Variants in MYBPHL observed in about 807,000 individuals in gnomAD.
MYBPHL encodes myosin binding protein H like, also known as myosin-binding protein H-like.
MYBPHL carries 32 observed loss-of-function variants against 39.5 expected under a neutral mutation model. That is an observed-to-expected ratio of 0.81 (90% CI 0.61 to 1.09). MYBPHL has a LOEUF of 1.09. Ranked by LOEUF, MYBPHL falls within the 50% of genes least tolerant of loss-of-function variation. The pLI is 0.00. For missense variants in MYBPHL, 456 were observed against 460.2 expected (o/e 0.99, Z 0.08); for synonymous variants, 196 against 183.7 (o/e 1.07, Z -0.54).
intron 5 of MYBPHL, 103 bp downstream of exon 5, chr1:109,296,680 C>A (rs891922432): frequency 1.1e-5 from 15 of 1,370,496 alleles, no homozygotes; most frequent in Non-Finnish European, 1.3e-5. Flanking sequence ...CTCAGGTGAT[C>A]CGCCTGCCTT....
chr1:109,298,115 C>A (rs762695893), intron 2 of MYBPHL, 54 bp downstream of exon 2: 1 of 1,478,588 alleles, frequency 6.8e-7, no homozygotes. Context: ...GTTTCCAAAT[C>A]CAAAACCTGC....
At chr1:109,300,959 C>A (rs1658254911) in intron 1 of MYBPHL, among the ~76,000 whole-genome samples, 1 of 152,186 alleles carries the variant, frequency 6.6e-6, no homozygotes, top group South Asian at 2.1e-4. Flanking sequence ...AGAGTATGGA[C>A]GTGAGGCTAA....
At chr1:109,295,007 A>AC in intron 7 of MYBPHL, 104 bp downstream of exon 7, 1 of 1,118,722 alleles carries the variant, frequency 8.9e-7, no homozygotes, top group South Asian at 1.6e-5. Flanking sequence ...CAGCGGAGGA[A>AC]CCCCTTCTCC....
At chr1:109,296,195 A>G in intron 6 of MYBPHL, 39 bp downstream of exon 6, 1 of 1,605,126 alleles carries the variant, frequency 6.2e-7, no homozygotes, top group Non-Finnish European at 8.5e-7. Context: ...CAGGAACAAG[A>G]AGCAGCTCAG....
rs566448972 is a variant in MYBPHL at position 109,305,721 on chromosome 1, G to A, written c.145+1126C>T. Among the ~76,000 whole-genome samples, 21 of 152,306 alleles carry A rather than the reference G, an allele frequency of 1.4e-4. No individual in the cohort carries two copies. In the South Asian group the frequency reaches 2.5e-3, roughly 18 times the overall value. ...ACGGGACAAACTTGGCCAGCTCTCT[G>A]CCCTTGACATTCAAATAGTTTCTGG... On this transcript the variant is annotated intron_variant, in intron 1 of 8. Coordinates refer to ENST00000357155, the MANE Select transcript of MYBPHL (RefSeq NM_001010985.3).
rs1475504339 is a variant in MYBPHL, at chr1:109,297,056, T to A, written c.564A>T (p.Lys188Asn). 3 of 1,614,042 alleles carry A rather than the reference T, an allele frequency of 1.9e-6. No homozygotes were observed. In the East Asian group the frequency reaches 6.7e-5, roughly 36 times the overall value. ...CCTTCCCAGCTGGCCTCACCCCGGA[T>A]TTTGTGTCAGCCTTCTGCACCGTGT... ...LGYTVQKADT[K>N]SGLWFTVLEH... The change falls in exon 4 of 9, where the codon AAA (lysine) becomes AAT (asparagine). Residue 188 changes from lysine (K) to asparagine (N), a missense_variant. Lys to Asn is a moderately conservative substitution (Grantham distance 94). Coordinates refer to ENST00000357155, the MANE Select transcript of MYBPHL (RefSeq NM_001010985.3).
At position 109,296,268 on chromosome 1, in the gene MYBPHL, G is replaced by A. The variant is rs923047686; in HGVS notation, c.833C>T (p.Thr278Ile). Residue 278 changes from threonine (T) to isoleucine (I), a missense_variant, in exon 6 of 9, where the codon ACC becomes ATC. Transcript: ENST00000357155. ...ADCTTVTGYNTQLFCCVRASP... is the reference protein window; with the variant it reads ...ADCTTVTGYNIQLFCCVRASP... ...GGCGCGGACACAGCAGAAGAGCTGG[G>A]TATTATAGCCGGTGACTGTAGTGCA... 1 of 1,614,026 alleles carries A rather than the reference G, an allele frequency of 6.2e-7. No homozygotes were observed. The highest frequency in any genetic ancestry group is 8.5e-7 in the Non-Finnish European group (1 of 1,180,010).
In MYBPHL at chr1:109,295,385, A is replaced by T. The variant is rs190732228; in HGVS notation, c.868-88T>A. 544 of 1,243,550 alleles carry T rather than the reference A, an allele frequency of 4.4e-4. 2 individuals are homozygous for T. Among genetic ancestry groups the T allele is most frequent in the Non-Finnish European group, 2.7e-4 (240 of 904,078 alleles). 77.0% of individuals were successfully genotyped at this position (1,243,550 alleles called of 1,614,324 possible). A position where few individuals can be genotyped will look rare whatever the true frequency, so the allele number is the denominator to read the frequency against. On this transcript the variant is annotated intron_variant, in intron 6 of 8. Coordinates refer to ENST00000357155, the MANE Select transcript of MYBPHL (RefSeq NM_001010985.3). ...GTGCTCAGTTTCTGGGACTCTGTCT[A>T]TATAGAGATAATGGCTTTCTGGAAG...
rs112174652 is a variant in MYBPHL, at chr1:109,297,476, G to A, written c.376C>T (p.Arg126Cys). Reference sequence around the variant, plus strand: ...GCCTCCAGCCCACCCAGCTGCACGCGGAGTTGGTAGCGACCTGAGTCAGCA... The same window carrying A: ...GCCTCCAGCCCACCCAGCTGCACGCAGAGTTGGTAGCGACCTGAGTCAGCA... ...QRADSGRYQL[R>C]VQLGGLEATA... is the part of the protein sequence containing the mutation. Residue 126 changes from arginine (R) to cysteine (C), a missense_variant, in exon 3 of 9, where the codon CGC (arginine) becomes TGC (cysteine). Coordinates refer to ENST00000357155, the MANE Select transcript of MYBPHL (RefSeq NM_001010985.3). 1.1e-4 allele frequency: 170 copies of A among 1,613,426 alleles called. No homozygotes were observed. The highest frequency in any genetic ancestry group is 4.3e-4 in the African/African-American group (32 of 74,988).
intron 2 of MYBPHL, 118 bp from the exon 3 acceptor site, chr1:109,297,735 C>T (rs535857439): frequency 7.6e-6 from 7 of 915,048 alleles, no homozygotes; most frequent in Non-Finnish European, 1.1e-5. Flanking sequence ...GCTGCACATT[C>T]CTTGAGTTAG....
At chr1:109,306,771 C>G in intron 1 of MYBPHL, 76 bp downstream of exon 1, 1 of 1,325,268 alleles carries the variant, frequency 7.5e-7, no homozygotes, top group East Asian at 2.7e-5. Context: ...CCTGAGGCGC[C>G]GTTCAGGAAG....
intron 1 of MYBPHL, among the ~76,000 whole-genome samples, chr1:109,305,950 C>A (rs1322122141): frequency 6.6e-6 from 1 of 152,234 alleles, no homozygotes; most frequent in African/African-American, 2.4e-5. Flanking sequence ...CACCATTTTA[C>A]AGAGTGAAAA....
intron 1 of MYBPHL, among the ~76,000 whole-genome samples, chr1:109,305,198 C>A (rs1388109034): frequency 6.6e-6 from 1 of 152,232 alleles, no homozygotes; most frequent in African/African-American, 2.4e-5. Context: ...TGGTTCAACT[C>A]CTCAATTTAC....
intron 5 of MYBPHL, 41 bp downstream of exon 5, chr1:109,296,742 C>A (rs754380491): frequency 3.1e-6 from 5 of 1,612,786 alleles, no homozygotes; most frequent in Non-Finnish European, 4.2e-6. Flanking sequence ...CCCGGCCTAT[C>A]CTTAAGTCTT....
intron 7 of MYBPHL, 101 bp from the exon 8 acceptor site, chr1:109,294,350 G>A (rs1657978733): frequency 6.2e-6 from 7 of 1,137,132 alleles, no homozygotes; most frequent in Non-Finnish European, 9.3e-6. Context: ...AGGTTCTTGG[G>A]GAGTCAATGG....
intron 3 of MYBPHL, 68 bp downstream of exon 3, chr1:109,297,354 C>T: frequency 6.4e-7 from 1 of 1,567,700 alleles, no homozygotes; most frequent in African/African-American, 1.4e-5. Flanking sequence ...GCTCTCTGAG[C>T]TGGCTCCTCT....
chr1:109,299,982 G>A (rs768646813), intron 1 of MYBPHL, among the ~76,000 whole-genome samples: 2 of 152,218 alleles, frequency 1.3e-5, no homozygotes, highest in Non-Finnish European at 2.9e-5. Context: ...AAAGAGGGCC[G>A]TACTTGGAAA....
In MYBPHL at chr1:109,296,912, G is replaced by C; in HGVS notation, c.601C>G (p.Arg201Gly). The change falls in exon 5 of 9, where the codon CGC (arginine) becomes GGC (glycine). Residue 201 changes from arginine to glycine, a missense_variant. Physicochemically the swap from Arg to Gly is moderately radical, Grantham distance 125. Coordinates refer to ENST00000357155, the MANE Select transcript of MYBPHL (RefSeq NM_001010985.3). ...LWFTVLEHYH[R>G]TSCIVSDLII... ...AGGTCAGAGACGATGCAGCTGGTGC[G>C]GTGATAGTGCTCCAGCACCGTGAAC... 8 of 1,614,130 alleles carry C rather than the reference G, an allele frequency of 5.0e-6. No individual in the cohort carries two copies. The highest frequency in any genetic ancestry group is 6.8e-6 in the Non-Finnish European group (8 of 1,180,014).
intron 8 of MYBPHL, among the ~76,000 whole-genome samples, chr1:109,293,261 C>T (rs1427968013): frequency 6.6e-6 from 1 of 152,162 alleles, no homozygotes; most frequent in Non-Finnish European, 1.5e-5. Flanking sequence ...TCCTACAATA[C>T]CTGCTCAGCT....
Sources: gnomAD v4.1 joint callset for allele counts (sites outside exome capture counted in the v4.1 genomes callset) on GRCh38, gnomAD v4.1.1 for gene constraint, MANE v1.5 for transcripts, NCBI Gene and HGNC (gene_info 2026-07-23, HGNC 2026-07-21) for gene names.